Variants in MEGF10 observed in about 807,000 individuals in gnomAD.
The protein encoded by MEGF10 is multiple epidermal growth factor-like domains protein 10.
Under a neutral mutation model 147.5 loss-of-function variants are expected in MEGF10, and 86 were observed. That is an observed-to-expected ratio of 0.58 (90% CI 0.49 to 0.70). The LOEUF is 0.70. Among genes scored for constraint, MEGF10 ranks in the 30% least tolerant of loss-of-function variants. MEGF10 has a pLI of 0.00. For synonymous variants in MEGF10, 478 were observed against 525.5 expected (o/e 0.91, Z 1.24); for missense variants, 1,329 against 1,487.3 (o/e 0.89, Z 1.75).
rs923583316 is a variant in MEGF10, at chr5:127,326,082, A to AT, written c.-18-5198dup. 9.3e-4 allele frequency among the ~76,000 whole-genome samples: 138 copies of AT among 147,946 alleles called. 2 individuals are homozygous for AT. The East Asian group carries it at 0.013, about 14-fold the overall frequency. Reference sequence around the variant, plus strand: ...AGGTGCATGCCACCAAGCCTGGCTAATTTTTTTTTTTAAATAAGGATGTGG... The same window carrying AT: ...AGGTGCATGCCACCAAGCCTGGCTAATTTTTTTTTTTTAAATAAGGATGTGG... On this transcript the variant is annotated intron_variant, in intron 1 of 24. Coordinates refer to ENST00000503335, the MANE Select transcript of MEGF10 (RefSeq NM_001256545.2).
chr5:127,254,340 A>G, the MEGF10 span, among the ~76,000 whole-genome samples: 1 of 152,100 alleles, frequency 6.6e-6, no homozygotes, highest in Non-Finnish European at 1.5e-5. Context: ...TAGTGTCTAT[A>G]TAAATAGCAT....
the MEGF10 span, among the ~76,000 whole-genome samples, chr5:127,236,406 G>T: frequency 6.6e-6 from 1 of 152,162 alleles, no homozygotes; most frequent in Non-Finnish European, 1.5e-5. Context: ...AATGAGTATG[G>T]CTGTGTTCAG....
In MEGF10 at chr5:127,391,094, GCGCGCGCGCACA is replaced by G. The variant is rs1270554549; in HGVS notation, c.413-5436_413-5425del. 8.5e-3 allele frequency among the ~76,000 whole-genome samples: 208 copies of G among 24,428 alleles called. 3 individuals are homozygous for G. The highest frequency in any genetic ancestry group is 0.027 in the East Asian group (50 of 1,820). The allele number at this position is 24,428 out of a possible 152,430, so 16.0% of individuals were successfully genotyped here. ...TATACATACATACACACATGCGCGC[GCGCGCGCGCACA>G]CACACACACACACACACACACACAC... is the stretch of plus-strand genomic sequence containing the variant. On this transcript the variant is annotated intron_variant, in intron 5 of 24. Coordinates refer to ENST00000503335, the MANE Select transcript of MEGF10 (RefSeq NM_001256545.2).
intron 13 of MEGF10, among the ~76,000 whole-genome samples, chr5:127,429,025 A>T (rs550412279): frequency 3.0e-4 from 45 of 152,342 alleles, no homozygotes; most frequent in African/African-American, 1.1e-3. Context: ...TGGCAAAAAC[A>T]GTCCCTTACA....
At chr5:127,247,455 GAAGAAGAA>G in the MEGF10 span, among the ~76,000 whole-genome samples, 1 of 129,168 alleles carries the variant, frequency 7.7e-6, no homozygotes, top group African/African-American at 3.0e-5. Context: ...AGAAGAAGAA[GAAGAAGAA>G]GAAGAAGAAG....
chr5:127,401,888 A>G (rs115646809), intron 7 of MEGF10, among the ~76,000 whole-genome samples: 134 of 152,322 alleles, frequency 8.8e-4, no homozygotes, highest in African/African-American at 3.2e-3. Context: ...TCCCCAGGAA[A>G]TAAGTTTTCC....
chr5:127,258,579 G>T, the MEGF10 span, among the ~76,000 whole-genome samples: 16 of 152,106 alleles, frequency 1.1e-4, no homozygotes, highest in African/African-American at 3.9e-4. Context: ...CTAGTGCTAA[G>T]GTTTGTTTGT....
chr5:127,259,679 C>G, the MEGF10 span, among the ~76,000 whole-genome samples: 1 of 152,154 alleles, frequency 6.6e-6, no homozygotes, highest in Non-Finnish European at 1.5e-5. Context: ...TTAGGGGTAA[C>G]TTTTGGATGA....
chr5:127,350,868 A>G (rs1762060047), intron 4 of MEGF10, among the ~76,000 whole-genome samples: 1 of 152,178 alleles, frequency 6.6e-6, no homozygotes, highest in Non-Finnish European at 1.5e-5. Context: ...ACACAGGCAT[A>G]CAATATGTAA....
chr5:127,355,781 T>G (rs1762257885), intron 4 of MEGF10, among the ~76,000 whole-genome samples: 1 of 152,188 alleles, frequency 6.6e-6, no homozygotes, highest in African/African-American at 2.4e-5. Flanking sequence ...AGAATTTAAT[T>G]TTTAAAAAAT....
chr5:127,320,241 CCT>C (rs1273668793), intron 1 of MEGF10, among the ~76,000 whole-genome samples: 1 of 152,102 alleles, frequency 6.6e-6, no homozygotes, highest in Admixed American at 6.6e-5. Flanking sequence ...AGAATTTACC[CCT>C]GTCATTGTCT....
intron 5 of MEGF10, among the ~76,000 whole-genome samples, chr5:127,375,061 C>T (rs573728247): frequency 2.0e-5 from 3 of 152,312 alleles, no homozygotes; most frequent in South Asian, 2.1e-4. Context: ...ACAGAATCCT[C>T]GGGTTCCAGA....
chr5:127,451,380 G>A (rs1465157125), intron 22 of MEGF10, among the ~76,000 whole-genome samples: 1 of 152,122 alleles, frequency 6.6e-6, no homozygotes, highest in South Asian at 2.1e-4. Flanking sequence ...CACGCTCGCT[G>A]TACAAATTCC....
At chr5:127,348,586 C>A (rs1298917630) in intron 4 of MEGF10, among the ~76,000 whole-genome samples, 1 of 151,946 alleles carries the variant, frequency 6.6e-6, no homozygotes. Flanking sequence ...CACGTATATG[C>A]AATATGAAAA....
chr5:127,403,286 A>C (rs1764198075), intron 8 of MEGF10, among the ~76,000 whole-genome samples: 1 of 151,860 alleles, frequency 6.6e-6, no homozygotes, highest in African/African-American at 2.4e-5. Context: ...TTTTTCTTTA[A>C]TTTTTTTATT....
At chr5:127,380,676 T>G in intron 5 of MEGF10, among the ~76,000 whole-genome samples, 1 of 152,010 alleles carries the variant, frequency 6.6e-6, no homozygotes, top group Admixed American at 6.6e-5. Context: ...TGTCACCACG[T>G]CCAGCTAACT....
the MEGF10 span, among the ~76,000 whole-genome samples, chr5:127,277,700 G>A: frequency 5.3e-5 from 8 of 152,172 alleles, no homozygotes; most frequent in Non-Finnish European, 8.8e-5. Flanking sequence ...ATTAATTCAG[G>A]GGTAATGATG....
chr5:127,272,860 C>A, the MEGF10 span, among the ~76,000 whole-genome samples: 1 of 152,294 alleles, frequency 6.6e-6, no homozygotes, highest in Non-Finnish European at 1.5e-5. Context: ...GATATAGGAG[C>A]ATGTCATCTG....
chr5:127,447,186 T>G (rs545375236), intron 20 of MEGF10, among the ~76,000 whole-genome samples: 1 of 152,250 alleles, frequency 6.6e-6, no homozygotes, highest in South Asian at 2.1e-4. Context: ...TTATTTGTTT[T>G]TTTATTTAGA....
Sources: gnomAD v4.1 joint callset for allele counts (sites outside exome capture counted in the v4.1 genomes callset) on GRCh38, gnomAD v4.1.1 for gene constraint, MANE v1.5 for transcripts, NCBI Gene and HGNC (gene_info 2026-07-23, HGNC 2026-07-21) for gene names.